The following LYPLAL1 variants were observed in gnomAD, a reference collection of about 807,000 sequenced individuals.
The protein encoded by LYPLAL1 is lysophospholipase-like protein 1.
A neutral mutation model predicts 19.7 loss-of-function variants in LYPLAL1; 23 were observed. The ratio of observed to expected loss-of-function variants is 1.17; its 90% CI spans 0.84 to 1.65. The LOEUF is 1.65. Among genes scored for constraint, LYPLAL1 ranks in the 40% most tolerant of loss-of-function variants. The probability of loss-of-function intolerance (pLI) is 0.00; values close to 1 mark genes in which losing one functional copy is unlikely to be tolerated. For synonymous variants in LYPLAL1, 119 were observed against 96.3 expected, an observed-to-expected ratio of 1.24 and a Z score of -1.38; for missense variants, 355 against 279.4, an observed-to-expected ratio of 1.27 and a Z score of -1.93.
chr1:219,266,124 T>G, the LYPLAL1 span, among the ~76,000 whole-genome samples: 2 of 152,164 alleles, frequency 1.3e-5, no homozygotes, highest in African/African-American at 4.8e-5. Context: ...ACTGTAGCTT[T>G]TTTATTTTAT....
chr1:219,422,607 G>A, the LYPLAL1 span, among the ~76,000 whole-genome samples: 2 of 151,446 alleles, frequency 1.3e-5, no homozygotes, highest in Non-Finnish European at 2.9e-5. Context: ...CCATTATGCA[G>A]GAATAAAAAA....
the LYPLAL1 span, among the ~76,000 whole-genome samples, chr1:219,367,265 T>G: frequency 2.2e-4 from 34 of 152,190 alleles, no homozygotes; most frequent in African/African-American, 8.0e-4. Context: ...ATTGAAAATG[T>G]CAAATCCTAA....
chr1:219,212,820 G>C lies in LYPLAL1; in HGVS notation c.*1092G>C, dbSNP rs748986135. 33 of 151,994 alleles carry C rather than the reference G, an allele frequency of 2.2e-4. No individual in the cohort carries two copies. Among genetic ancestry groups the C allele is most frequent in the Admixed American group, 3.9e-4 (6 of 15,242 alleles). The allele number at this position is 151,994 out of a possible 1,614,324, so 9.4% of individuals were successfully genotyped here. A position where few individuals can be genotyped will look rare whatever the true frequency, so the allele number is the denominator to read the frequency against. ...ACCACTGATATATAAGTTGCTTCCA[G>C]TGTGAGGCTGTTTTAAATAAAGCTG... On this transcript the variant is annotated 3_prime_UTR_variant, in exon 5 of 5. Transcript: ENST00000366928.
At chr1:219,298,072 G>T in the LYPLAL1 span, among the ~76,000 whole-genome samples, 1 of 152,172 alleles carries the variant, frequency 6.6e-6, no homozygotes, top group Non-Finnish European at 1.5e-5. Flanking sequence ...CATTTTGGGA[G>T]GCTAAGTGGG....
the LYPLAL1 span, among the ~76,000 whole-genome samples, chr1:219,364,925 TTTAG>T: frequency 5.3e-5 from 8 of 152,262 alleles, no homozygotes; most frequent in South Asian, 2.1e-4. Context: ...AGATTAAAAA[TTTAG>T]TTAAACTGTG....
chr1:219,289,078 G>GTTTTTTTTTTTTTTTTTTTTTTT, the LYPLAL1 span, among the ~76,000 whole-genome samples: 3 of 114,920 alleles, frequency 2.6e-5, 1 homozygote, highest in Non-Finnish European at 1.8e-5. Context: ...CTCTTGTTTT[G>GTTTTTTTTTTTTTTTTTTTTTTT]TTTTTTTTGT....
At chr1:219,203,258 T>A (rs1658266261) in intron 3 of LYPLAL1, among the ~76,000 whole-genome samples, 2 of 152,048 alleles carry the variant, frequency 1.3e-5, no homozygotes, top group Non-Finnish European at 2.9e-5. Context: ...ATTTGATTAG[T>A]GGTACTTTGT....
chr1:219,259,664 A>T, the LYPLAL1 span, among the ~76,000 whole-genome samples: 1 of 151,492 alleles, frequency 6.6e-6, no homozygotes, highest in African/African-American at 2.4e-5. Context: ...GAAGTGAGAG[A>T]TAAAAGACTA....
At chr1:219,192,299 G>A (rs1425295794) in intron 2 of LYPLAL1, among the ~76,000 whole-genome samples, 1 of 151,642 alleles carries the variant, frequency 6.6e-6, no homozygotes, top group African/African-American at 2.4e-5. Context: ...TAACTTTGGT[G>A]GGTGACAGTA....
At chr1:219,190,117 A>G (rs1657028994) in intron 2 of LYPLAL1, among the ~76,000 whole-genome samples, 1 of 151,648 alleles carries the variant, frequency 6.6e-6, no homozygotes, top group Non-Finnish European at 1.5e-5. Flanking sequence ...AAAGCTCTTC[A>G]GCTGAATCAC....
the LYPLAL1 span, among the ~76,000 whole-genome samples, chr1:219,314,738 G>C: frequency 4.6e-5 from 7 of 152,206 alleles, no homozygotes; most frequent in African/African-American, 1.7e-4. Context: ...GGCTGACAGA[G>C]AGTTTTTAAA....
downstream of LYPLAL1, among the ~76,000 whole-genome samples, chr1:219,213,260 C>G (rs1218764718): frequency 6.6e-6 from 1 of 151,980 alleles, no homozygotes. Context: ...TCTGGGTTCT[C>G]TCTTCTGTTC....
At chr1:219,320,698 T>C in the LYPLAL1 span, among the ~76,000 whole-genome samples, 1 of 152,178 alleles carries the variant, frequency 6.6e-6, no homozygotes, top group African/African-American at 2.4e-5. Context: ...GTGTTTGGTT[T>C]TCTGTGCTTG....
At position 219,173,907 on chromosome 1, in the gene LYPLAL1, G is replaced by C. The variant is rs373035897; in HGVS notation, c.17G>C (p.Gly6Ala). 15 of 1,613,274 alleles carry C rather than the reference G, an allele frequency of 9.3e-6. No individual in the cohort carries two copies. In the African/African-American group the frequency reaches 1.6e-4, roughly 17 times the overall value. Residue 6 changes from glycine to alanine, a missense_variant, in exon 1 of 5, where the codon GGG becomes GCG. Transcript: ENST00000366928. MAAAS[G>A]SVLQRCIVSP... ...GCATCAGCGATGGCGGCTGCGTCGGGGTCGGTTCTGCAGCGCTGTATCGTG... is the reference window on the plus strand; with the variant it reads ...GCATCAGCGATGGCGGCTGCGTCGGCGTCGGTTCTGCAGCGCTGTATCGTG...
At chr1:219,262,254 TG>T in the LYPLAL1 span, among the ~76,000 whole-genome samples, 2 of 152,186 alleles carry the variant, frequency 1.3e-5, no homozygotes, top group African/African-American at 4.8e-5. Flanking sequence ...ATCTATATCC[TG>T]TATTATTTTT....
the LYPLAL1 span, among the ~76,000 whole-genome samples, chr1:219,370,665 A>G: frequency 6.6e-6 from 1 of 152,222 alleles, no homozygotes; most frequent in Non-Finnish European, 1.5e-5. Flanking sequence ...TCTTGAGTCT[A>G]AGCTGGTATC....
the LYPLAL1 span, among the ~76,000 whole-genome samples, chr1:219,408,413 T>G: frequency 6.6e-6 from 1 of 152,110 alleles, no homozygotes; most frequent in Non-Finnish European, 1.5e-5. Flanking sequence ...GAAGTGGCTA[T>G]GCATGGGAGT....
the LYPLAL1 span, among the ~76,000 whole-genome samples, chr1:219,302,960 C>G: frequency 6.6e-6 from 1 of 152,112 alleles, no homozygotes; most frequent in Non-Finnish European, 1.5e-5. Context: ...TTATTATTCT[C>G]CTGTATACAG....
At chr1:219,203,275 G>T (rs1434386689) in intron 3 of LYPLAL1, among the ~76,000 whole-genome samples, 1 of 150,696 alleles carries the variant, frequency 6.6e-6, no homozygotes, top group Non-Finnish European at 1.5e-5. Flanking sequence ...TTGTTATGTT[G>T]AACTCAGTTT....
Sources: allele counts gnomAD v4.1 joint callset (sites outside exome capture counted in the v4.1 genomes callset), GRCh38; gene constraint gnomAD v4.1.1; transcripts MANE v1.5; gene names NCBI Gene and HGNC (gene_info 2026-07-23, HGNC 2026-07-21).